Variants in GNB4 observed in about 807,000 individuals in gnomAD.
The protein encoded by GNB4 is G protein subunit beta 4.
GNB4 carries 28 observed loss-of-function variants against 45.2 expected under a neutral mutation model. The observed-to-expected ratio is 0.62, with a 90% CI of 0.46 to 0.85. The LOEUF (loss-of-function observed/expected upper bound fraction) is 0.85. Ranked by LOEUF, GNB4 falls within the 40% of genes least tolerant of loss-of-function variation. The pLI is 0.00. For synonymous variants in GNB4, 132 were observed against 143.7 expected, an observed-to-expected ratio of 0.92 and a Z score of 0.58; for missense variants, 321 against 425.4, an observed-to-expected ratio of 0.75 and a Z score of 2.16.
chr3:179,508,530 G>C, the GNB4 span, among the ~76,000 whole-genome samples: 4 of 152,200 alleles, frequency 2.6e-5, no homozygotes, highest in South Asian at 2.1e-4. Context: ...CAATAAAAAT[G>C]CAGATGGAAG....
chr3:179,453,436 T>C (rs73172223), upstream of GNB4, among the ~76,000 whole-genome samples: 19,669 of 152,248 alleles, frequency 0.13, 1,391 homozygotes, highest in East Asian at 0.18. Flanking sequence ...ATTCTTTCTT[T>C]AGATTCTTTT....
At chr3:179,439,914 T>G (rs1715555429) in intron 1 of GNB4, among the ~76,000 whole-genome samples, 1 of 152,254 alleles carries the variant, frequency 6.6e-6, no homozygotes, top group African/African-American at 2.4e-5. Context: ...CTCAGATATT[T>G]TCTTTGATTT....
Position 179,399,949 on chromosome 3 carries a change from A to G in GNB4, c.*1264T>C, listed in dbSNP as rs1278682056. On this transcript the variant is annotated 3_prime_UTR_variant, in exon 10 of 10. Coordinates refer to ENST00000232564, the MANE Select transcript of GNB4 (RefSeq NM_021629.4). The stretch of plus-strand genomic sequence containing the variant: ...CTTCTAGTAAGAGACACATTATTAT[A>G]CCACAGAAAAACTGTTTAATATAGC... The G allele has an allele frequency of 6.6e-6, 1 of 152,226 alleles. No individual in the cohort carries two copies. Among genetic ancestry groups the G allele is most frequent in the Non-Finnish European group, 1.5e-5 (1 of 68,036 alleles). 9.4% of individuals were successfully genotyped at this position (152,226 alleles called of 1,614,324 possible). A position where few individuals can be genotyped will look rare whatever the true frequency, so the allele number is the denominator to read the frequency against.
At chr3:179,439,325 TA>T (rs1046675802) in intron 1 of GNB4, among the ~76,000 whole-genome samples, 24 of 152,154 alleles carry the variant, frequency 1.6e-4, no homozygotes, top group African/African-American at 5.6e-4. Context: ...ATAAAACATC[TA>T]AATCCTTACA....
At chr3:179,472,927 G>T in the GNB4 span, among the ~76,000 whole-genome samples, 2 of 152,202 alleles carry the variant, frequency 1.3e-5, no homozygotes, top group Admixed American at 1.3e-4. Flanking sequence ...ACTTTGGGAG[G>T]CCAAGGCGGG....
chr3:179,480,048 A>G, the GNB4 span, among the ~76,000 whole-genome samples: 1 of 152,340 alleles, frequency 6.6e-6, no homozygotes, highest in East Asian at 1.9e-4. Flanking sequence ...TCACAAGAAT[A>G]GGTTTGTTAC....
At chr3:179,506,911 T>G in the GNB4 span, among the ~76,000 whole-genome samples, 2 of 152,240 alleles carry the variant, frequency 1.3e-5, no homozygotes, top group South Asian at 4.1e-4. Flanking sequence ...TTAATGATGC[T>G]GAACAGATAT....
the GNB4 span, among the ~76,000 whole-genome samples, chr3:179,482,032 A>G: frequency 6.6e-6 from 1 of 152,054 alleles, no homozygotes; most frequent in Non-Finnish European, 1.5e-5. Context: ...CCTCCCCAGT[A>G]GCTGGGACAA....
the GNB4 span, among the ~76,000 whole-genome samples, chr3:179,512,425 A>G: frequency 1.3e-5 from 2 of 152,248 alleles, no homozygotes; most frequent in East Asian, 3.8e-4. Context: ...ACATTTAGAG[A>G]ACAACTTTTC....
intron 2 of GNB4, among the ~76,000 whole-genome samples, chr3:179,423,643 T>C (rs1195521268): frequency 6.6e-6 from 1 of 151,958 alleles, no homozygotes; most frequent in Non-Finnish European, 1.5e-5. Context: ...TAGCTGGGCG[T>C]GGTGGTGTGT....
intron 1 of GNB4, among the ~76,000 whole-genome samples, chr3:179,436,464 T>C (rs1255032651): frequency 6.6e-6 from 1 of 152,160 alleles, no homozygotes; most frequent in Non-Finnish European, 1.5e-5. Flanking sequence ...TCTCTAAAAG[T>C]CTATTCATAA....
the GNB4 span, among the ~76,000 whole-genome samples, chr3:179,479,533 C>A: frequency 6.6e-6 from 1 of 152,120 alleles, no homozygotes; most frequent in African/African-American, 2.4e-5. Context: ...AGAGCCCAAA[C>A]AAGAATAATT....
At chr3:179,452,283 A>C (rs1375461261), upstream of GNB4, 4 of 151,246 alleles carry the variant, frequency 2.6e-5, no homozygotes, top group Non-Finnish European at 1.5e-5. Flanking sequence ...AAATGCATCT[A>C]TCCAATTTGC....
At chr3:179,417,536 T>C (rs965606828) in intron 4 of GNB4, among the ~76,000 whole-genome samples, 1 of 151,898 alleles carries the variant, frequency 6.6e-6, no homozygotes, top group Admixed American at 6.6e-5. Flanking sequence ...GCCTCCCGAA[T>C]AGCTGGCATA....
chr3:179,455,917 C>T (rs568163075), upstream of GNB4, among the ~76,000 whole-genome samples: 4 of 152,240 alleles, frequency 2.6e-5, no homozygotes, highest in South Asian at 2.1e-4. Context: ...TTCCTTTTCA[C>T]GTAGGGCTTT....
At chr3:179,526,413 G>C in the GNB4 span, among the ~76,000 whole-genome samples, 1 of 152,222 alleles carries the variant, frequency 6.6e-6, no homozygotes, top group African/African-American at 2.4e-5. Context: ...TGCAGAACTG[G>C]GATTGTTGCC....
intron 1 of GNB4, among the ~76,000 whole-genome samples, chr3:179,449,778 A>C (rs771386316): frequency 6.6e-6 from 1 of 152,256 alleles, no homozygotes; most frequent in Non-Finnish European, 1.5e-5. Flanking sequence ...CAGCCAGCTG[A>C]CTTCAATAAC....
At position 179,415,746 on chromosome 3, in the gene GNB4, AT is replaced by A. The variant is rs200492939; in HGVS notation, c.268-700del. 8.6e-5 allele frequency among the ~76,000 whole-genome samples: 13 copies of A among 152,032 alleles called. 1 individual carries two copies. Among genetic ancestry groups the A allele is most frequent in the African/African-American group, 2.7e-4 (11 of 41,500 alleles). On this transcript the variant is annotated intron_variant, in intron 5 of 9. Coordinates refer to ENST00000232564, the MANE Select transcript of GNB4 (RefSeq NM_021629.4). ...ACCTAAAATAATACGCTTAAAATACATTTTTTTTGTTTTATGAAAATATAGT... is the reference window on the plus strand; with the variant it reads ...ACCTAAAATAATACGCTTAAAATACATTTTTTTGTTTTATGAAAATATAGT...
At chr3:179,521,005 C>T in the GNB4 span, among the ~76,000 whole-genome samples, 12 of 152,142 alleles carry the variant, frequency 7.9e-5, no homozygotes, top group African/African-American at 2.7e-4. Context: ...ATTCTACTAC[C>T]CCTCAGAGAT....
Sources: gnomAD v4.1 joint callset for allele counts (sites outside exome capture counted in the v4.1 genomes callset) on GRCh38, gnomAD v4.1.1 for gene constraint, MANE v1.5 for transcripts, NCBI Gene and HGNC (gene_info 2026-07-23, HGNC 2026-07-21) for gene names.